CNOT3: variants seen among roughly 807,000 people sequenced by gnomAD.
The protein encoded by CNOT3 is CCR4-associated factor 3.
CNOT3 carries 2 observed loss-of-function variants against 89.4 expected under a neutral mutation model. The observed-to-expected ratio is 0.02, with a 90% CI of 0.01 to 0.07. The LOEUF (loss-of-function observed/expected upper bound fraction) is 0.07, where lower values mean the gene tolerates loss of function less well. Among genes scored for constraint, CNOT3 ranks in the 10% least tolerant of loss-of-function variants. The pLI is 1.00. For missense variants in CNOT3, 664 were observed against 1,010.2 expected (o/e 0.66, Z 4.65); for synonymous variants, 486 against 402.0 (o/e 1.21, Z -2.50).
Position 54,148,155 on chromosome 19 carries a change from C to G in CNOT3, c.902C>G (p.Ala301Gly). ...GCTCTCTCCCACCCGCAGTCTCCAGCCAAAAACGGCTCCAAGCCTGTCCAC... is the reference window on the plus strand; with the variant it reads ...GCTCTCTCCCACCCGCAGTCTCCAGGCAAAAACGGCTCCAAGCCTGTCCAC... The part of the protein sequence containing the change: ...STDSEVSQSP[A>G]KNGSKPVHSN... Residue 301 changes from alanine to glycine, a missense_variant, in exon 11 of 18, where the codon GCC becomes GGC. Transcript: ENST00000221232. This position sits in a 1 kb window ranked among gnomAD's most constrained non-coding sequence, Gnocchi z 6.3. 2.6e-6 allele frequency: 4 copies of G among 1,511,976 alleles called. No homozygotes were observed. Among genetic ancestry groups the G allele is most frequent in the Non-Finnish European group, 3.5e-6 (4 of 1,129,930 alleles). 93.7% of individuals were successfully genotyped at this position (1,511,976 alleles called of 1,614,324 possible). A position where few individuals can be genotyped will look rare whatever the true frequency, so the allele number is the denominator to read the frequency against.
intron 9 of CNOT3, among the ~76,000 whole-genome samples, chr19:54,146,367 G>T (rs1193258094): frequency 4.6e-5 from 7 of 152,148 alleles, no homozygotes; most frequent in Non-Finnish European, 1.5e-5. Flanking sequence ...TGGAGAGCAG[G>T]TTCCCAGATC....
At chr19:54,149,017 ATTTC>A (rs2146665657) in intron 12 of CNOT3, among the ~76,000 whole-genome samples, 1 of 152,102 alleles carries the variant, frequency 6.6e-6, no homozygotes, top group African/African-American at 2.4e-5. Flanking sequence ...TTTCCTCCCC[ATTTC>A]TGTTACCTGC....
rs587764978 is a variant in CNOT3, at chr19:54,145,965, C to T, written c.759C>T (p.Ile253=). The change falls in exon 9 of 18, where the codon ATC becomes ATT. Residue 253 remains isoleucine, a synonymous_variant. Transcript: ENST00000221232. The surrounding 1 kb of genome is among the most constrained non-coding windows in gnomAD (Gnocchi z 5.9). ...GCCACAGCCACATGGAGGATGAGAT[C>T]TTCAACCAGTCCAGCAGCACGCCCA... The part of the protein sequence containing the change: ...PPSHSHMEDE[I]FNQSSSTPTS... 39 of 1,614,018 alleles carry T rather than the reference C, an allele frequency of 2.4e-5. No homozygotes were observed. The African/African-American group carries it at 5.2e-4, about 22-fold the overall frequency.
At chr19:54,138,692 C>T (rs904133861) in intron 1 of CNOT3, among the ~76,000 whole-genome samples, 1 of 152,252 alleles carries the variant, frequency 6.6e-6, no homozygotes, top group African/African-American at 2.4e-5. Context: ...GAGAAACTCC[C>T]CGTTAGTTGG....
rs2074831342 is a variant in CNOT3, at chr19:54,148,535, A to G, written c.1282A>G (p.Ser428Gly). 2 of 1,532,884 alleles carry G rather than the reference A, an allele frequency of 1.3e-6. No homozygotes were observed. The highest frequency in any genetic ancestry group is 1.8e-6 in the Non-Finnish European group (2 of 1,122,440). The allele number at this position is 1,532,884 out of a possible 1,614,324, so 95.0% of individuals were successfully genotyped here. A position where few individuals can be genotyped will look rare whatever the true frequency, so the allele number is the denominator to read the frequency against. The change falls in exon 11 of 18, where the codon AGT becomes GGT. Residue 428 changes from serine to glycine, a missense_variant and splice_region_variant. Physicochemically the swap from Ser to Gly is moderately conservative, Grantham distance 56. Coordinates refer to ENST00000221232, the MANE Select transcript of CNOT3 (RefSeq NM_014516.4). The surrounding 1 kb of genome is among the most constrained non-coding windows in gnomAD (Gnocchi z 6.3). ...GGAGKQNGATSYSSVVADSPA... is the reference protein window; with the variant it reads ...GGAGKQNGATGYSSVVADSPA... ...GGCTGGCAAGCAGAATGGCGCCACC[A>G]GTGAGTGAGGAGGCAGCGGGGTGGG...
rs777481101 is a variant in CNOT3 at position 54,148,123 on chromosome 19, ACCCT to A, written c.895-23_895-20del. The A allele has an allele frequency of 6.9e-7, 1 of 1,446,456 alleles. No individual in the cohort carries two copies. The highest frequency in any genetic ancestry group is 2.8e-5 in the Admixed American group (1 of 35,404). The allele number at this position is 1,446,456 out of a possible 1,614,324, so 89.6% of individuals were successfully genotyped here. ...AGACCAGCTGGCCCACTGGGTCCTG[ACCCT>A]CTGCTCTCTCCCACCCGCAGTCTCC... On this transcript the variant is annotated intron_variant, in intron 10 of 17. Coordinates refer to ENST00000221232, the MANE Select transcript of CNOT3 (RefSeq NM_014516.4). This position sits in a 1 kb window ranked among gnomAD's most constrained non-coding sequence, Gnocchi z 6.3.
intron 15 of CNOT3, 101 bp from the exon 16 acceptor site, chr19:54,152,766 T>G: frequency 1.1e-6 from 1 of 874,180 alleles, no homozygotes; most frequent in Non-Finnish European, 1.9e-6. Flanking sequence ...CCCTGGGTCT[T>G]TCTGTACCAC....
rs764516938 is a variant in CNOT3 at position 54,148,480 on chromosome 19, C to T, written c.1227C>T (p.Ser409=). Residue 409 remains serine (S), a synonymous_variant, in exon 11 of 18, where the codon AGC becomes AGT. Coordinates refer to ENST00000221232, the MANE Select transcript of CNOT3 (RefSeq NM_014516.4). The surrounding 1 kb of genome is among the most constrained non-coding windows in gnomAD (Gnocchi z 6.3). ...GCGGCAGCGGAGGCGGAGGGAGCAGCAGCAGTAGTAACAGCAGTGCCGGTG... is the reference window on the plus strand; with the variant it reads ...GCGGCAGCGGAGGCGGAGGGAGCAGTAGCAGTAGTAACAGCAGTGCCGGTG... The part of the protein sequence containing the change: ...GGGGSGGGGS[S]SSSNSSAGGG... The T allele has an allele frequency of 1.3e-6, 2 of 1,561,310 alleles. No individual in the cohort carries two copies.
At chr19:54,147,643 A>G (rs587769981) in intron 10 of CNOT3, among the ~76,000 whole-genome samples, 1 of 152,270 alleles carries the variant, frequency 6.6e-6, no homozygotes, top group East Asian at 1.9e-4. Flanking sequence ...CCATGAGCAC[A>G]TTTACCCTCC....
rs958389709 is a variant in CNOT3 at position 54,145,402 on chromosome 19, C to T, written c.484-196C>T. The T allele has an allele frequency of 3.3e-6, 2 of 598,500 alleles. No homozygotes were observed. Among genetic ancestry groups the T allele is most frequent in the Non-Finnish European group, 3.0e-6 (1 of 335,290 alleles). The allele number at this position is 598,500 out of a possible 1,614,324, so 37.1% of individuals were successfully genotyped here. On this transcript the variant is annotated intron_variant, in intron 7 of 17. Transcript: ENST00000221232. This position sits in a 1 kb window ranked among gnomAD's most constrained non-coding sequence, Gnocchi z 5.9. The stretch of plus-strand genomic sequence containing the variant: ...GGGAGAGGAGGGAGCAGTGGGATCC[C>T]AAGATGTCAAGGCTAAGATTGGTCC...
rs77902046 is a variant in CNOT3 at position 54,152,972 on chromosome 19, A to T, written c.2010A>T (p.Thr670=). The change falls in exon 16 of 18, where the codon ACA becomes ACT. Residue 670 remains threonine (T), a synonymous_variant. Coordinates refer to ENST00000221232, the MANE Select transcript of CNOT3 (RefSeq NM_014516.4). ...VEFYQRLSTE[T]LFFIFYYLEG... The stretch of plus-strand genomic sequence containing the variant: ...TCTACCAGCGCCTGTCGACCGAGAC[A>T]CTCTTCTTCATCTTCTACTATCTGG... 0.032 allele frequency: 50,746 copies of T among 1,604,432 alleles called. 1,221 individuals are homozygous for T. The highest frequency in any genetic ancestry group is 0.11 in the East Asian group (4,748 of 44,568).
chr19:54,141,016 G>A (rs976117448), intron 1 of CNOT3, among the ~76,000 whole-genome samples: 11 of 152,134 alleles, frequency 7.2e-5, no homozygotes, highest in African/African-American at 2.7e-4. Flanking sequence ...ATGGAAAGAG[G>A]GAGTGTAAAC....
intron 17 of CNOT3, chr19:54,154,969 G>T: frequency 3.1e-6 from 1 of 325,222 alleles, no homozygotes; most frequent in Admixed American, 4.9e-5. Flanking sequence ...TTAAATGCTA[G>T]GCTGTGCATC....
chr19:54,145,813 C>A lies in CNOT3; in HGVS notation c.699C>A (p.Asp233Glu), dbSNP rs2074640680. ...TCTACGATGACCTGGACCTCGAGGA[C>A]ATTCGTGAGGCCCTGGGGCTGATCG... is the stretch of plus-strand genomic sequence containing the variant. ...EFLYDDLDLE[D>E]IPQALVATSP... The change falls in exon 8 of 18, where the codon GAC (aspartate) becomes GAA (glutamate). Residue 233 changes from aspartate (D) to glutamate (E), a missense_variant. Asp to Glu is a conservative substitution (Grantham distance 45, BLOSUM62 2). Coordinates refer to ENST00000221232, the MANE Select transcript of CNOT3 (RefSeq NM_014516.4). This position sits in a 1 kb window ranked among gnomAD's most constrained non-coding sequence, Gnocchi z 5.9. 2 of 1,611,056 alleles carry A rather than the reference C, an allele frequency of 1.2e-6. No homozygotes were observed. The highest frequency in any genetic ancestry group is 1.7e-6 in the Non-Finnish European group (2 of 1,177,606).
In CNOT3 at chr19:54,147,370, C is replaced by T. The variant is rs587675510; in HGVS notation, c.894+713C>T. On this transcript the variant is annotated intron_variant, in intron 10 of 17. Transcript: ENST00000221232. ...GGCTGGTGTGGAGACTAAGGGGACC[C>T]GCAGGTAGTAGTGAGGGCGGGCAAC... Among the ~76,000 whole-genome samples, 7 of 152,218 alleles carry T rather than the reference C, an allele frequency of 4.6e-5. No homozygotes were observed. The South Asian group carries it at 1.0e-3, about 23-fold the overall frequency.
intron 12 of CNOT3, 58 bp from the exon 13 acceptor site, chr19:54,149,502 G>A: frequency 8.6e-7 from 1 of 1,158,454 alleles, no homozygotes; most frequent in South Asian, 1.6e-5. Flanking sequence ...AGGCCTCTCT[G>A]CCCATCCCAC....
intron 1 of CNOT3, among the ~76,000 whole-genome samples, chr19:54,140,088 C>T (rs1404802777): frequency 1.3e-5 from 2 of 152,184 alleles, no homozygotes; most frequent in East Asian, 1.9e-4. Flanking sequence ...AAGGACCACC[C>T]GGTGTTAGTT....
In CNOT3 at chr19:54,145,532, G is replaced by A. The variant is rs2146593807; in HGVS notation, c.484-66G>A. The A allele has an allele frequency of 9.0e-7, 1 of 1,116,162 alleles. No individual in the cohort carries two copies. Among genetic ancestry groups the A allele is most frequent in the Non-Finnish European group, 1.4e-6 (1 of 738,734 alleles). 69.1% of individuals were successfully genotyped at this position (1,116,162 alleles called of 1,614,324 possible). A position where few individuals can be genotyped will look rare whatever the true frequency, so the allele number is the denominator to read the frequency against. On this transcript the variant is annotated intron_variant, in intron 7 of 17. Coordinates refer to ENST00000221232, the MANE Select transcript of CNOT3 (RefSeq NM_014516.4). The surrounding 1 kb of genome is among the most constrained non-coding windows in gnomAD (Gnocchi z 5.9). ...GGGTCAGGGACTGAGGACAGGTTCT[G>A]TGGGGGCAGGAGGGGCCAAGCAGGT... is the stretch of plus-strand genomic sequence containing the variant.
chr19:54,149,753 A>G lies in CNOT3; in HGVS notation c.1600A>G (p.Ile534Val). The stretch of plus-strand genomic sequence containing the variant: ...TCCACAGTTCAGCACCGCCCCAGAA[A>G]TCAAGGTGGGCTCCTCGGACATCCC... The part of the protein sequence containing the change: ...GPPQFSTAPE[I>V]KAPEPLSSLK... The change falls in exon 13 of 18, where the codon ATC (isoleucine) becomes GTC (valine). Residue 534 changes from isoleucine (I) to valine (V), a missense_variant. Coordinates refer to ENST00000221232, the MANE Select transcript of CNOT3 (RefSeq NM_014516.4). 1 of 1,606,018 alleles carries G rather than the reference A, an allele frequency of 6.2e-7. No homozygotes were observed. Among genetic ancestry groups the G allele is most frequent in the South Asian group, 1.1e-5 (1 of 89,886 alleles).
Sources: allele counts gnomAD v4.1 joint callset (sites outside exome capture counted in the v4.1 genomes callset), GRCh38; gene constraint gnomAD v4.1.1; non-coding constraint Gnocchi (gnomAD v3.1); transcripts MANE v1.5; gene names NCBI Gene and HGNC (gene_info 2026-07-23, HGNC 2026-07-21).